ATP8A2: variants seen among roughly 807,000 people sequenced by gnomAD.
ATP8A2 encodes the protein ATPase phospholipid transporting 8A2.
A neutral mutation model predicts 165.6 loss-of-function variants in ATP8A2; 100 were observed. The observed-to-expected ratio is 0.60, with a 90% confidence interval of 0.51 to 0.71. The LOEUF (loss-of-function observed/expected upper bound fraction) is 0.71. Ranked by LOEUF, ATP8A2 falls within the 30% of genes least tolerant of loss-of-function variation. The probability of loss-of-function intolerance (pLI) is 0.00; values close to 1 mark genes in which losing one functional copy is unlikely to be tolerated. For synonymous variants in ATP8A2, 543 were observed against 548.8 expected (o/e 0.99, Z 0.15); for missense variants, 1,227 against 1,479.5 (o/e 0.83, Z 2.80).
chr13:25,686,192 A>T (rs1418766804), intron 24 of ATP8A2, among the ~76,000 whole-genome samples: 1 of 152,170 alleles, frequency 6.6e-6, no homozygotes, highest in Non-Finnish European at 1.5e-5. Flanking sequence ...AGTTTGGGGC[A>T]TGCTATATTT....
At chr13:25,426,852 A>T (rs2034463169) in intron 1 of ATP8A2, among the ~76,000 whole-genome samples, 1 of 152,110 alleles carries the variant, frequency 6.6e-6, no homozygotes, top group Admixed American at 6.6e-5. Context: ...AGGCTGAGAG[A>T]GGAGAATCGA....
At chr13:25,757,760 A>G (rs1170560664) in intron 25 of ATP8A2, among the ~76,000 whole-genome samples, 1 of 150,092 alleles carries the variant, frequency 6.7e-6, no homozygotes, top group African/African-American at 2.5e-5. Context: ...TGACCCCCAA[A>G]CCCCTCATTT....
chr13:25,752,407 G>A (rs555908452), intron 25 of ATP8A2, among the ~76,000 whole-genome samples: 2 of 151,984 alleles, frequency 1.3e-5, no homozygotes, highest in South Asian at 2.1e-4. Context: ...GCAGTGAGCC[G>A]AGATCATACT....
chr13:25,735,418 C>T (rs1047601104), intron 25 of ATP8A2, among the ~76,000 whole-genome samples: 5 of 152,034 alleles, frequency 3.3e-5, no homozygotes, highest in Admixed American at 6.5e-5. Context: ...CACCACCACG[C>T]CTGGCTAATT....
At chr13:25,996,714 C>T (rs1314614779) in intron 35 of ATP8A2, among the ~76,000 whole-genome samples, 1 of 151,886 alleles carries the variant, frequency 6.6e-6, no homozygotes, top group Non-Finnish European at 1.5e-5. Flanking sequence ...GACGGAGTCT[C>T]ACTCTGTTGC....
At chr13:25,942,647 T>C (rs1955102455) in intron 33 of ATP8A2, among the ~76,000 whole-genome samples, 1 of 152,172 alleles carries the variant, frequency 6.6e-6, no homozygotes, top group African/African-American at 2.4e-5. Context: ...TGGTCTCAAA[T>C]CCCTGTCCTC....
chr13:25,985,437 A>C (rs1956261134), intron 35 of ATP8A2, among the ~76,000 whole-genome samples: 1 of 152,170 alleles, frequency 6.6e-6, no homozygotes, highest in South Asian at 2.1e-4. Context: ...AAGAACTCTT[A>C]TGTCAGTAGA....
chr13:25,776,922 C>T (rs552881515), intron 27 of ATP8A2, among the ~76,000 whole-genome samples: 146 of 151,874 alleles, frequency 9.6e-4, no homozygotes, highest in African/African-American at 3.3e-3. Flanking sequence ...CTTTTCAGAT[C>T]GTCCCCTAGG....
intron 26 of ATP8A2, among the ~76,000 whole-genome samples, chr13:25,770,115 C>T (rs2044587203): frequency 6.6e-6 from 1 of 152,196 alleles, no homozygotes; most frequent in Non-Finnish European, 1.5e-5. Flanking sequence ...GCTGAACTAA[C>T]TTTGAGAGAA....
At chr13:25,387,541 C>G (rs2033101008) in intron 1 of ATP8A2, among the ~76,000 whole-genome samples, 1 of 151,964 alleles carries the variant, frequency 6.6e-6, no homozygotes, top group African/African-American at 2.4e-5. Flanking sequence ...TGACCTCACC[C>G]GTCGCTAAAA....
chr13:25,838,694 A>G (rs1327519063), intron 29 of ATP8A2, among the ~76,000 whole-genome samples: 1 of 152,052 alleles, frequency 6.6e-6, no homozygotes, highest in African/African-American at 2.4e-5. Context: ...GGCTCAAACT[A>G]TATGATAATT....
chr13:25,392,523 G>A (rs910347051), intron 1 of ATP8A2, among the ~76,000 whole-genome samples: 1 of 152,182 alleles, frequency 6.6e-6, no homozygotes, highest in African/African-American at 2.4e-5. Context: ...GTCTAAGGTG[G>A]AATGTTAAAT....
intron 16 of ATP8A2, among the ~76,000 whole-genome samples, chr13:25,568,859 G>A (rs567341334): frequency 6.6e-6 from 1 of 152,164 alleles, no homozygotes; most frequent in African/African-American, 2.4e-5. Flanking sequence ...ATAGGCTTCA[G>A]ATTAATTTTG....
intron 33 of ATP8A2, among the ~76,000 whole-genome samples, chr13:25,955,874 C>T (rs1309518931): frequency 6.6e-6 from 1 of 152,164 alleles, no homozygotes; most frequent in African/African-American, 2.4e-5. Context: ...TGAAAATCCT[C>T]AGTAAAATAC....
intron 33 of ATP8A2, among the ~76,000 whole-genome samples, chr13:25,956,823 A>G (rs1015158222): frequency 6.6e-6 from 1 of 152,228 alleles, no homozygotes; most frequent in Non-Finnish European, 1.5e-5. Context: ...GACAATCCTA[A>G]GCAAAAAGAA....
At chr13:25,861,666 G>A (rs1952357575) in intron 32 of ATP8A2, among the ~76,000 whole-genome samples, 1 of 152,218 alleles carries the variant, frequency 6.6e-6, no homozygotes, top group Non-Finnish European at 1.5e-5. Flanking sequence ...GAGGTAGTGA[G>A]AAGTGGTCGG....
intron 27 of ATP8A2, among the ~76,000 whole-genome samples, chr13:25,797,467 T>C (rs1052450014): frequency 2.6e-5 from 4 of 152,074 alleles, no homozygotes; most frequent in Non-Finnish European, 5.9e-5. Context: ...AAAAATAAAA[T>C]AATAATTTAC....
chr13:25,524,814 C>T (rs1326335231), intron 2 of ATP8A2, among the ~76,000 whole-genome samples: 1 of 151,906 alleles, frequency 6.6e-6, no homozygotes, highest in East Asian at 1.9e-4. Context: ...AGTTCATTTA[C>T]ATGCAGTGTT....
intron 25 of ATP8A2, among the ~76,000 whole-genome samples, chr13:25,706,870 G>A (rs539845756): frequency 6.6e-6 from 1 of 152,088 alleles, no homozygotes; most frequent in African/African-American, 2.4e-5. Context: ...CTTTTAGATA[G>A]GTTTTTTTAA....
Sources: allele counts gnomAD v4.1 joint callset (sites outside exome capture counted in the v4.1 genomes callset), GRCh38; gene constraint gnomAD v4.1.1; transcripts MANE v1.5; gene names NCBI Gene and HGNC (gene_info 2026-07-23, HGNC 2026-07-21).